Variants in PRKCB observed in about 807,000 individuals in gnomAD.
PRKCB encodes the protein protein kinase C beta type.
PRKCB carries 13 observed loss-of-function variants against 81.5 expected under a neutral mutation model. That is an observed-to-expected ratio of 0.16 (90% CI 0.10 to 0.25). PRKCB has a LOEUF of 0.25. Ranked by LOEUF, PRKCB falls within the 10% of genes least tolerant of loss-of-function variation. The pLI is 1.00. For missense variants in PRKCB, 509 were observed against 875.7 expected (o/e 0.58, Z 5.29); for synonymous variants, 335 against 321.4 (o/e 1.04, Z -0.45).
chr16:23,868,152 C>T (rs1962838673), intron 2 of PRKCB, among the ~76,000 whole-genome samples: 1 of 152,178 alleles, frequency 6.6e-6, no homozygotes, highest in Admixed American at 6.5e-5. Flanking sequence ...CCATTTATCA[C>T]TTTCAGAAAT....
chr16:23,894,970 A>G (rs1296533915), intron 2 of PRKCB, among the ~76,000 whole-genome samples: 2 of 152,154 alleles, frequency 1.3e-5, no homozygotes, highest in Non-Finnish European at 2.9e-5. Context: ...GCTTAGGAAG[A>G]GCATAAATGG....
intron 2 of PRKCB, among the ~76,000 whole-genome samples, chr16:23,848,580 C>T (rs2141080502): frequency 6.6e-6 from 1 of 152,308 alleles, no homozygotes; most frequent in South Asian, 2.1e-4. Context: ...GAATTTTCCT[C>T]TGAAAGGCAT....
At chr16:23,881,969 T>TCTTC (rs1963116148) in intron 2 of PRKCB, among the ~76,000 whole-genome samples, 2 of 18,618 alleles carry the variant, frequency 1.1e-4, no homozygotes, top group Admixed American at 1.4e-3. Flanking sequence ...TCTTTTCCTT[T>TCTTC]CTTTCTTTCT....
intron 9 of PRKCB, among the ~76,000 whole-genome samples, chr16:24,142,876 G>A (rs1966923291): frequency 6.6e-6 from 1 of 152,116 alleles, no homozygotes; most frequent in East Asian, 1.9e-4. Flanking sequence ...CCTTGCAACA[G>A]ATCAGCACCC....
rs147218304 is a variant in PRKCB at position 23,960,747 on chromosome 16, C to T, written c.206-27761C>T. Among the ~76,000 whole-genome samples the T allele has an allele frequency of 5.3e-5, 8 of 152,172 alleles. No individual in the cohort carries two copies. In the East Asian group the frequency reaches 1.5e-3, roughly 29 times the overall value. On this transcript the variant is annotated intron_variant, in intron 2 of 16. Coordinates refer to ENST00000643927, the MANE Select transcript of PRKCB (RefSeq NM_002738.7). ...TGCAGTAAAACACTGCCTTTATAGGCTTCCTTCCCTTCACTGTCTTACTTC... is the reference window on the plus strand; with the variant it reads ...TGCAGTAAAACACTGCCTTTATAGGTTTCCTTCCCTTCACTGTCTTACTTC...
At chr16:23,858,310 A>G (rs1962606288) in intron 2 of PRKCB, among the ~76,000 whole-genome samples, 1 of 53,886 alleles carries the variant, frequency 1.9e-5, no homozygotes. Context: ...TTCGAGTCAG[A>G]CTGTCTGTTC....
chr16:23,909,758 T>G (rs977416673), intron 2 of PRKCB, among the ~76,000 whole-genome samples: 2 of 152,184 alleles, frequency 1.3e-5, no homozygotes, highest in African/African-American at 4.8e-5. Flanking sequence ...TCTAGTTCCT[T>G]CCACATTGCT....
intron 2 of PRKCB, among the ~76,000 whole-genome samples, chr16:23,912,632 C>T (rs918431180): frequency 1.4e-5 from 2 of 147,884 alleles, no homozygotes; most frequent in African/African-American, 5.0e-5. Flanking sequence ...CCTGCCTCAG[C>T]CTCCAGAGTA....
At chr16:24,011,520 T>A (rs1965202519) in intron 3 of PRKCB, among the ~76,000 whole-genome samples, 1 of 152,144 alleles carries the variant, frequency 6.6e-6, no homozygotes, top group African/African-American at 2.4e-5. Context: ...TGTTTTGTTT[T>A]ATTTTGTTTT....
At chr16:24,179,137 G>A (rs1285500033) in intron 12 of PRKCB, among the ~76,000 whole-genome samples, 2 of 152,190 alleles carry the variant, frequency 1.3e-5, no homozygotes, top group Non-Finnish European at 2.9e-5. Flanking sequence ...CAAAGTGCCA[G>A]CACTAATACT....
At chr16:23,849,856 T>C (rs551281757) in intron 2 of PRKCB, among the ~76,000 whole-genome samples, 1 of 152,206 alleles carries the variant, frequency 6.6e-6, no homozygotes, top group South Asian at 2.1e-4. Context: ...GAAATTTACT[T>C]AGTTATTTGA....
chr16:24,175,443 C>T (rs1473263872), intron 12 of PRKCB, among the ~76,000 whole-genome samples: 14 of 151,654 alleles, frequency 9.2e-5, no homozygotes, highest in Admixed American at 8.5e-4. Context: ...CCCCTTGCCC[C>T]CGTGGAGTTT....
intron 5 of PRKCB, among the ~76,000 whole-genome samples, chr16:24,048,153 T>C (rs1965791584): frequency 6.6e-6 from 1 of 152,192 alleles, no homozygotes; most frequent in South Asian, 2.1e-4. Context: ...CGGACACCTC[T>C]TACTGATAGT....
chr16:24,113,384 C>G, intron 8 of PRKCB, among the ~76,000 whole-genome samples: 1 of 148,038 alleles, frequency 6.8e-6, no homozygotes, highest in Non-Finnish European at 1.5e-5. Context: ...TTCCTTCCTG[C>G]CTTCCTTCCT....
At chr16:23,911,025 A>T (rs753512028) in intron 2 of PRKCB, among the ~76,000 whole-genome samples, 1 of 149,644 alleles carries the variant, frequency 6.7e-6, no homozygotes, top group Middle Eastern at 3.2e-3. Flanking sequence ...ATCACTTTCC[A>T]TTGGGTGGAT....
intron 2 of PRKCB, among the ~76,000 whole-genome samples, chr16:23,983,272 G>A (rs1010669374): frequency 2.0e-5 from 3 of 152,148 alleles, no homozygotes; most frequent in African/African-American, 7.2e-5. Flanking sequence ...AATTTGATTT[G>A]CACAACTTTT....
At chr16:23,874,416 G>C (rs566263523) in intron 2 of PRKCB, among the ~76,000 whole-genome samples, 12 of 152,254 alleles carry the variant, frequency 7.9e-5, no homozygotes, top group South Asian at 6.2e-4. Flanking sequence ...CCAGGCAACT[G>C]TCTTAGATGT....
rs147039759 is a variant in PRKCB, at chr16:23,974,174, TC to T, written c.206-14331del. 9.7e-3 allele frequency among the ~76,000 whole-genome samples: 1,460 copies of T among 151,060 alleles called. 81 individuals are homozygous for T. The highest frequency in any genetic ancestry group is 0.075 in the Admixed American group (1,137 of 15,154). ...TGGTGAGGGAGGAGAGAAGGGTGAG[TC>T]CCAGGGTAAGGGATGCAGGCACATC... is the stretch of plus-strand genomic sequence containing the variant. On this transcript the variant is annotated intron_variant, in intron 2 of 16. Coordinates refer to ENST00000643927, the MANE Select transcript of PRKCB (RefSeq NM_002738.7).
At chr16:24,021,072 C>CTCCCTTCTTTCTTTCT in intron 3 of PRKCB, among the ~76,000 whole-genome samples, 1 of 94,372 alleles carries the variant, frequency 1.1e-5, no homozygotes, top group African/African-American at 4.3e-5. Context: ...CCCTCCCTCC[C>CTCCCTTCTTTCTTTCT]TTCTTTCTTT....
Sources: allele counts gnomAD v4.1 joint callset (sites outside exome capture counted in the v4.1 genomes callset), GRCh38; gene constraint gnomAD v4.1.1; transcripts MANE v1.5; gene names NCBI Gene and HGNC (gene_info 2026-07-23, HGNC 2026-07-21).